The following GLIS3 variants were observed in gnomAD, a reference collection of about 807,000 sequenced individuals.
The protein encoded by GLIS3 is GLIS family zinc finger 3.
Under a neutral mutation model 78.6 loss-of-function variants are expected in GLIS3, and 53 were observed. The ratio of observed to expected loss-of-function variants is 0.67; its 90% CI spans 0.54 to 0.85. GLIS3 has a LOEUF of 0.85. GLIS3 is among the 40% of genes least tolerant of loss of function. The probability of loss-of-function intolerance (pLI) is 0.00; values close to 1 mark genes in which losing one functional copy is unlikely to be tolerated. For synonymous variants in GLIS3, 684 were observed against 509.9 expected (o/e 1.34, Z -4.60); for missense variants, 1,703 against 1,231.1 (o/e 1.38, Z -5.74).
intron 2 of GLIS3, among the ~76,000 whole-genome samples, chr9:4,270,558 G>A (rs1161940867): frequency 4.6e-5 from 7 of 152,210 alleles, no homozygotes; most frequent in Non-Finnish European, 4.4e-5. Context: ...GGGTTGGACT[G>A]AGCCTCCAAT....
At chr9:4,321,421 C>CTAAAAAA (rs1817525732) in intron 2 of GLIS3, among the ~76,000 whole-genome samples, 1 of 16,304 alleles carries the variant, frequency 6.1e-5, no homozygotes, top group Non-Finnish European at 1.1e-4. Context: ...GACTCCGTCT[C>CTAAAAAA]AAAAAAAAAA....
At chr9:4,027,797 C>G (rs1446754031) in intron 4 of GLIS3, among the ~76,000 whole-genome samples, 1 of 152,202 alleles carries the variant, frequency 6.6e-6, no homozygotes, top group East Asian at 1.9e-4. Context: ...ATTCAGACAC[C>G]TGTCTCTAAA....
At chr9:4,301,774 GAAAA>G (rs1294470176), upstream of GLIS3, among the ~76,000 whole-genome samples, 1 of 152,048 alleles carries the variant, frequency 6.6e-6, no homozygotes, top group African/African-American at 2.4e-5. Context: ...AGCTGGAAGA[GAAAA>G]AAATATAGTG....
At chr9:4,117,456 C>G (rs1401721091) in intron 4 of GLIS3, among the ~76,000 whole-genome samples, 1 of 152,198 alleles carries the variant, frequency 6.6e-6, no homozygotes, top group African/African-American at 2.4e-5. Context: ...TCTGCTCTTG[C>G]ACATCCATAC....
intron 4 of GLIS3, among the ~76,000 whole-genome samples, chr9:3,948,227 G>A (rs1020986028): frequency 4.6e-5 from 7 of 152,190 alleles, no homozygotes; most frequent in Non-Finnish European, 8.8e-5. Context: ...ACACAGCAGG[G>A]ACTCAGAAAA....
At chr9:4,249,362 G>A (rs1227385340) in intron 2 of GLIS3, among the ~76,000 whole-genome samples, 1 of 152,018 alleles carries the variant, frequency 6.6e-6, no homozygotes, top group African/African-American at 2.4e-5. Flanking sequence ...GGATTCCTAG[G>A]TATTTTATCC....
At chr9:4,205,898 C>T (rs186644592) in intron 2 of GLIS3, among the ~76,000 whole-genome samples, 2 of 152,162 alleles carry the variant, frequency 1.3e-5, no homozygotes, top group African/African-American at 4.8e-5. Flanking sequence ...TAAAAGAAAA[C>T]TGTTTAGGCT....
chr9:4,033,607 T>C (rs952842960), intron 4 of GLIS3, among the ~76,000 whole-genome samples: 2 of 152,084 alleles, frequency 1.3e-5, no homozygotes, highest in African/African-American at 2.4e-5. Flanking sequence ...CCTTGGGAGC[T>C]TGCTAGAAAT....
intron 2 of GLIS3, among the ~76,000 whole-genome samples, chr9:4,195,595 G>A (rs910174839): frequency 3.9e-5 from 6 of 152,226 alleles, no homozygotes; most frequent in Non-Finnish European, 7.3e-5. Flanking sequence ...GGGCTCCCAC[G>A]CGGCCTGAGC....
intron 2 of GLIS3, among the ~76,000 whole-genome samples, chr9:4,142,476 C>T (rs538864530): frequency 4.6e-5 from 7 of 152,176 alleles, no homozygotes; most frequent in Non-Finnish European, 7.3e-5. Context: ...AGTGCCTCCT[C>T]ATTCAACTGT....
At chr9:4,407,266 A>C in the GLIS3 span, among the ~76,000 whole-genome samples, 1 of 152,228 alleles carries the variant, frequency 6.6e-6, no homozygotes, top group Non-Finnish European at 1.5e-5. Flanking sequence ...CTAGACCCTT[A>C]TCTCTCACCA....
the GLIS3 span, among the ~76,000 whole-genome samples, chr9:4,384,580 A>G: frequency 6.7e-6 from 1 of 149,088 alleles, no homozygotes; most frequent in East Asian, 2.0e-4. Context: ...TTTATATATA[A>G]TATATATGTA....
chr9:3,851,823 G>C (rs1455111852), intron 9 of GLIS3, among the ~76,000 whole-genome samples: 1 of 152,160 alleles, frequency 6.6e-6, no homozygotes, highest in Non-Finnish European at 1.5e-5. Context: ...GTGTGCCTTT[G>C]CCTTAGAAAC....
At chr9:4,091,754 G>A (rs1044288391) in intron 4 of GLIS3, among the ~76,000 whole-genome samples, 6 of 152,076 alleles carry the variant, frequency 3.9e-5, no homozygotes, top group African/African-American at 1.4e-4. Flanking sequence ...GTTTCCTGAG[G>A]CTTCCCCAGC....
intron 2 of GLIS3, among the ~76,000 whole-genome samples, chr9:4,176,902 G>A (rs562754290): frequency 6.6e-6 from 1 of 152,362 alleles, no homozygotes; most frequent in African/African-American, 2.4e-5. Context: ...GGGATTACAG[G>A]CGTAAGCCAC....
In GLIS3 at chr9:3,856,044, T is replaced by A; in HGVS notation, c.2438A>T (p.Asn813Ile). ...GATACCATTTGGTTGAAAAGAAGAGTTTGTTTCTGGCTGATAGGACTTCAG... is the reference window on the plus strand; with the variant it reads ...GATACCATTTGGTTGAAAAGAAGAGATTGTTTCTGGCTGATAGGACTTCAG... ...SHLKSYQPETNSSFQPNGIHV... is the reference protein window; with the variant it reads ...SHLKSYQPETISSFQPNGIHV... Residue 813 changes from asparagine to isoleucine, a missense_variant, in exon 9 of 11, where the codon AAC becomes ATC. Coordinates refer to ENST00000381971, the MANE Select transcript of GLIS3 (RefSeq NM_001042413.2). The A allele has an allele frequency of 6.2e-7, 1 of 1,613,992 alleles. No individual in the cohort carries two copies. The highest frequency in any genetic ancestry group is 8.5e-7 in the Non-Finnish European group (1 of 1,179,974).
At chr9:4,404,198 C>G in the GLIS3 span, among the ~76,000 whole-genome samples, 2 of 152,090 alleles carry the variant, frequency 1.3e-5, no homozygotes, top group African/African-American at 4.8e-5. Flanking sequence ...ATGCACCCAA[C>G]GCTGGAGCAA....
chr9:3,892,672 G>GTT (rs200632098), intron 7 of GLIS3, among the ~76,000 whole-genome samples: 1 of 149,848 alleles, frequency 6.7e-6, no homozygotes, highest in Non-Finnish European at 1.5e-5. Flanking sequence ...AATAGGAACA[G>GTT]TTTTTTTTTT....
chr9:4,257,367 G>A (rs1587180349), intron 2 of GLIS3, among the ~76,000 whole-genome samples: 1 of 152,110 alleles, frequency 6.6e-6, no homozygotes, highest in Non-Finnish European at 1.5e-5. Flanking sequence ...GCACAAAGGT[G>A]CAGTTATGTA....
Sources: gnomAD v4.1 joint callset for allele counts (sites outside exome capture counted in the v4.1 genomes callset) on GRCh38, gnomAD v4.1.1 for gene constraint, MANE v1.5 for transcripts, NCBI Gene and HGNC (gene_info 2026-07-23, HGNC 2026-07-21) for gene names.